HHAT: variants seen among roughly 807,000 people sequenced by gnomAD.
The protein encoded by HHAT is protein-cysteine N-palmitoyltransferase HHAT.
HHAT carries 47 observed loss-of-function variants against 70.8 expected under a neutral mutation model. The observed-to-expected ratio is 0.66, with a 90% CI of 0.53 to 0.85. The LOEUF is 0.85. HHAT is among the 40% of genes least tolerant of loss of function. The pLI, the probability that HHAT is intolerant of heterozygous loss-of-function variation, is 0.00. For missense variants in HHAT, 609 were observed against 604.8 expected (o/e 1.01, Z -0.07); for synonymous variants, 228 against 247.6 (o/e 0.92, Z 0.74).
At chr1:210,597,578 C>T (rs1256072676) in intron 10 of HHAT, among the ~76,000 whole-genome samples, 3 of 152,092 alleles carry the variant, frequency 2.0e-5, no homozygotes. Context: ...TTCTCCTTTC[C>T]ACAAGCAGAG....
chr1:210,375,166 G>T (rs151090247), intron 3 of HHAT, among the ~76,000 whole-genome samples: 5 of 151,424 alleles, frequency 3.3e-5, no homozygotes, highest in Admixed American at 6.6e-5. Flanking sequence ...ACACCAACAT[G>T]ACAAAGATAC....
intron 9 of HHAT, among the ~76,000 whole-genome samples, chr1:210,565,900 G>T (rs980787165): frequency 6.6e-6 from 1 of 152,190 alleles, no homozygotes; most frequent in Non-Finnish European, 1.5e-5. Context: ...CTTGGTGTGG[G>T]TGTAGCTCAG....
chr1:210,359,091 C>T (rs1316332096), intron 2 of HHAT, among the ~76,000 whole-genome samples: 1 of 152,172 alleles, frequency 6.6e-6, no homozygotes, highest in Non-Finnish European at 1.5e-5. Context: ...AGAACCAGGG[C>T]ACTGGAAGAA....
At position 210,674,327 on chromosome 1, in the gene HHAT, A is replaced by G. The variant is rs1680789370; in HGVS notation, c.1430A>G (p.Tyr477Cys). The G allele has an allele frequency of 1.2e-6, 2 of 1,613,994 alleles. No homozygotes were observed. Among genetic ancestry groups the G allele is most frequent in the South Asian group, 1.1e-5 (1 of 91,084 alleles). Reference protein sequence around the residue: ...WVTLSVLGFLYCYSHVGIAWA... With the variant: ...WVTLSVLGFLCCYSHVGIAWA... ...ACCCTCTCTGTCCTGGGATTCCTGT[A>G]CTGCTACTCCCACGTGGGCATTGCC... is the stretch of plus-strand genomic sequence containing the variant. Residue 477 changes from tyrosine to cysteine, a missense_variant, in exon 12 of 12, where the codon TAC becomes TGC. Coordinates refer to ENST00000261458, the MANE Select transcript of HHAT (RefSeq NM_018194.6).
At chr1:210,600,750 A>G (rs996161987) in intron 10 of HHAT, among the ~76,000 whole-genome samples, 5 of 152,140 alleles carry the variant, frequency 3.3e-5, no homozygotes, top group Non-Finnish European at 7.3e-5. Context: ...CAGAGGAAAC[A>G]TTTTGAAGTG....
chr1:210,362,427 A>G (rs976866947), intron 2 of HHAT, among the ~76,000 whole-genome samples: 1 of 152,124 alleles, frequency 6.6e-6, no homozygotes, highest in African/African-American at 2.4e-5. Context: ...GGGTTTCACC[A>G]CATTGGTCAG....
At chr1:210,523,894 C>T in intron 9 of HHAT, among the ~76,000 whole-genome samples, 1 of 152,218 alleles carries the variant, frequency 6.6e-6, no homozygotes, top group East Asian at 1.9e-4. Flanking sequence ...TTCCTGCCCT[C>T]TCTTAGCTCA....
At chr1:210,347,298 A>G (rs893093781) in intron 1 of HHAT, among the ~76,000 whole-genome samples, 3 of 152,124 alleles carry the variant, frequency 2.0e-5, no homozygotes, top group Non-Finnish European at 4.4e-5. Context: ...ACCTCATCAC[A>G]TTTGTCATCT....
intron 10 of HHAT, among the ~76,000 whole-genome samples, chr1:210,596,840 C>G (rs1663116233): frequency 6.6e-6 from 1 of 152,060 alleles, no homozygotes; most frequent in Non-Finnish European, 1.5e-5. Context: ...AGTTCGTTCA[C>G]TGAGGTCATA....
At chr1:210,474,822 G>GT (rs71743746) in intron 8 of HHAT, among the ~76,000 whole-genome samples, 15,099 of 142,030 alleles carry the variant, frequency 0.11, 835 homozygotes, top group African/African-American at 0.14. Context: ...CACCTCAGGT[G>GT]TTTTTTTTTT....
intron 11 of HHAT, among the ~76,000 whole-genome samples, chr1:210,637,871 A>AGGGGGG (rs1553312397): frequency 2.2e-4 from 26 of 117,498 alleles, no homozygotes; most frequent in African/African-American, 7.4e-4. Context: ...AAAAAAAAAA[A>AGGGGGG]GGGGGGGGCA....
At chr1:210,356,259 G>C (rs1156947057) in intron 2 of HHAT, among the ~76,000 whole-genome samples, 1 of 152,124 alleles carries the variant, frequency 6.6e-6, no homozygotes, top group Non-Finnish European at 1.5e-5. Flanking sequence ...AGAACCTTCT[G>C]ATTTTGCAGA....
intron 6 of HHAT, among the ~76,000 whole-genome samples, chr1:210,407,247 TAGTA>T (rs2092366911): frequency 6.6e-6 from 1 of 152,196 alleles, no homozygotes; most frequent in Non-Finnish European, 1.5e-5. Context: ...TTGGAAGAAC[TAGTA>T]AGTAAGATTT....
chr1:210,618,625 C>T (rs1253129748), intron 10 of HHAT, among the ~76,000 whole-genome samples: 3 of 152,144 alleles, frequency 2.0e-5, no homozygotes, highest in Admixed American at 6.5e-5. Context: ...CTCAGCCCCA[C>T]ATGCAGCCCC....
chr1:210,355,970 G>A (rs1280521289), intron 2 of HHAT, among the ~76,000 whole-genome samples: 3 of 152,124 alleles, frequency 2.0e-5, no homozygotes, highest in Non-Finnish European at 4.4e-5. Flanking sequence ...AGGCTGGAGT[G>A]TAGTGGCTCA....
chr1:210,407,088 G>T (rs996637418), intron 6 of HHAT, among the ~76,000 whole-genome samples: 1 of 152,156 alleles, frequency 6.6e-6, no homozygotes, highest in East Asian at 1.9e-4. Flanking sequence ...TTCTGCACTT[G>T]CTGAAGGTGG....
chr1:210,347,707 C>A (rs561544752), intron 1 of HHAT, among the ~76,000 whole-genome samples: 1 of 152,142 alleles, frequency 6.6e-6, no homozygotes, highest in African/African-American at 2.4e-5. Context: ...ATTTCTCTTT[C>A]CTGTAACAGT....
intron 8 of HHAT, among the ~76,000 whole-genome samples, chr1:210,506,905 G>A (rs1471960785): frequency 2.6e-5 from 4 of 152,274 alleles, no homozygotes; most frequent in South Asian, 4.2e-4. Flanking sequence ...TTGTGGGAGA[G>A]AATGATTGAT....
At chr1:210,389,093 T>C (rs547394354) in intron 4 of HHAT, among the ~76,000 whole-genome samples, 1 of 152,340 alleles carries the variant, frequency 6.6e-6, no homozygotes, top group African/African-American at 2.4e-5. Context: ...TACATAAAAC[T>C]GAGTAATTTT....
Sources: allele counts gnomAD v4.1 joint callset (sites outside exome capture counted in the v4.1 genomes callset), GRCh38; gene constraint gnomAD v4.1.1; transcripts MANE v1.5; gene names NCBI Gene and HGNC (gene_info 2026-07-23, HGNC 2026-07-21).